The following PTK7 variants were observed in gnomAD, a reference collection of about 807,000 sequenced individuals.
PTK7 encodes the protein protein tyrosine kinase 7 (inactive), also known as inactive tyrosine-protein kinase 7.
In PTK7, 39 loss-of-function variants were observed where a neutral mutation model predicts 116.6. The ratio of observed to expected loss-of-function variants is 0.33; its 90% CI spans 0.26 to 0.44. The LOEUF (loss-of-function observed/expected upper bound fraction) is 0.44. PTK7 is among the 20% of genes least tolerant of loss of function. The pLI is 1.00. For missense variants in PTK7, 1,169 were observed against 1,425.6 expected (o/e 0.82, Z 2.90); for synonymous variants, 546 against 563.6 (o/e 0.97, Z 0.44).
Position 43,129,384 on chromosome 6 carries a change from AT to A in PTK7, c.367+123del, listed in dbSNP as rs1769517628. The A allele has an allele frequency of 1.6e-6, 2 of 1,268,338 alleles. No individual in the cohort carries two copies. Among genetic ancestry groups the A allele is most frequent in the African/African-American group, 1.5e-5 (1 of 66,028 alleles). 78.6% of individuals were successfully genotyped at this position (1,268,338 alleles called of 1,614,324 possible). A position where few individuals can be genotyped will look rare whatever the true frequency, so the allele number is the denominator to read the frequency against. On this transcript the variant is annotated intron_variant, in intron 2 of 19. Coordinates refer to ENST00000230419, the MANE Select transcript of PTK7 (RefSeq NM_002821.5). The surrounding 1 kb of genome is among the most constrained non-coding windows in gnomAD (Gnocchi z 4.5). ...CAGTTAAACGGGCCAGGCAGAATGC[AT>A]TTATCATCAGCTTTTTTTGCTCATG...
At chr6:43,084,304 A>T (rs955636701) in intron 1 of PTK7, among the ~76,000 whole-genome samples, 6 of 151,928 alleles carry the variant, frequency 3.9e-5, no homozygotes, top group South Asian at 2.1e-4. Flanking sequence ...CTAGTTTTTT[A>T]AATTTATTTT....
At chr6:43,127,414 C>T (rs1037509380) in intron 1 of PTK7, among the ~76,000 whole-genome samples, 4 of 152,270 alleles carry the variant, frequency 2.6e-5, no homozygotes, top group Admixed American at 2.6e-4. Context: ...GCTCTGCCCT[C>T]CGCCTCCCTA....
intron 7 of PTK7, chr6:43,133,136 GGAGGTAATAGTGGACAAAATTATA>G (rs1769811416): frequency 3.2e-6 from 1 of 310,908 alleles, no homozygotes; most frequent in East Asian, 5.3e-5. Flanking sequence ...TTCTTTTTTG[GGAGGTAATAGTGGACAAAATTATA>G]GGTGATTTTT....
At chr6:43,085,412 C>T (rs1766599043) in intron 1 of PTK7, among the ~76,000 whole-genome samples, 1 of 152,124 alleles carries the variant, frequency 6.6e-6, no homozygotes, top group Middle Eastern at 3.4e-3. Context: ...CCATGCCCGG[C>T]TAATTTTTGT....
chr6:43,092,145 G>T (rs1203669521), intron 1 of PTK7, among the ~76,000 whole-genome samples: 2 of 151,682 alleles, frequency 1.3e-5, no homozygotes, highest in African/African-American at 2.4e-5. Context: ...ACAGGCGTGA[G>T]CCTCTGTGCC....
intron 1 of PTK7, among the ~76,000 whole-genome samples, chr6:43,082,952 G>T (rs747750566): frequency 4.6e-5 from 7 of 152,226 alleles, no homozygotes; most frequent in Non-Finnish European, 8.8e-5. Context: ...GCTGGGCTTT[G>T]ACAGCTGTAG....
chr6:43,093,956 G>T (rs1267324501), intron 1 of PTK7, among the ~76,000 whole-genome samples: 1 of 152,174 alleles, frequency 6.6e-6, no homozygotes, highest in Non-Finnish European at 1.5e-5. Context: ...CATCTCATTG[G>T]TTAGAAAAAG....
intron 1 of PTK7, among the ~76,000 whole-genome samples, chr6:43,105,849 T>G (rs970971945): frequency 1.3e-5 from 2 of 152,212 alleles, no homozygotes; most frequent in Admixed American, 1.3e-4. Context: ...ACCAACACTT[T>G]GATTTTGCAC....
At chr6:43,153,071 C>T (rs1048613679) in intron 17 of PTK7, among the ~76,000 whole-genome samples, 1 of 151,810 alleles carries the variant, frequency 6.6e-6, no homozygotes, top group African/African-American at 2.4e-5. Context: ...CAAGTGTGAG[C>T]CACCACGCCC....
intron 17 of PTK7, among the ~76,000 whole-genome samples, chr6:43,155,910 C>T (rs917827383): frequency 6.6e-6 from 1 of 152,008 alleles, no homozygotes; most frequent in Non-Finnish European, 1.5e-5. Flanking sequence ...TAGCCCCAAA[C>T]TGGAAACAAC....
chr6:43,077,059 C>T (rs1766075198), intron 1 of PTK7: 1 of 1,297,808 alleles, frequency 7.7e-7, no homozygotes, highest in Non-Finnish European at 9.8e-7. Flanking sequence ...TTGTTACCTA[C>T]GCCGACCCGA....
rs554253356 is a variant in PTK7 at position 43,119,568 on chromosome 6, G to A, written c.80-9409G>A. On this transcript the variant is annotated intron_variant, in intron 1 of 19. Transcript: ENST00000230419. ...AACCCCTCCAGTGAATGGCTGTTGA[G>A]CCCACAGCAAATCTCTTCCCATCTT... is the stretch of plus-strand genomic sequence containing the variant. 2.6e-5 allele frequency among the ~76,000 whole-genome samples: 4 copies of A among 152,274 alleles called. No individual in the cohort carries two copies. In the East Asian group the frequency reaches 7.7e-4, roughly 29 times the overall value.
chr6:43,127,571 C>T (rs187269608), intron 1 of PTK7, among the ~76,000 whole-genome samples: 1 of 152,328 alleles, frequency 6.6e-6, no homozygotes, highest in East Asian at 1.9e-4. Context: ...ACTCTGGAAC[C>T]ACATGGCTCT....
chr6:43,127,958 G>C (rs1485136885), intron 1 of PTK7, among the ~76,000 whole-genome samples: 1 of 152,176 alleles, frequency 6.6e-6, no homozygotes, highest in Non-Finnish European at 1.5e-5. Context: ...ACATGGGAAT[G>C]ACCTTGGCTT....
Position 43,076,542 on chromosome 6 carries a change from C to T in PTK7, c.54C>T (p.Ser18=), listed in dbSNP as rs1158032177. The T allele has an allele frequency of 8.9e-6, 14 of 1,577,610 alleles. No individual in the cohort carries two copies. The highest frequency in any genetic ancestry group is 1.2e-5 in the Non-Finnish European group (14 of 1,167,194). Residue 18 remains serine (S), a synonymous_variant, in exon 1 of 20, where the codon AGC becomes AGT. Coordinates refer to ENST00000230419, the MANE Select transcript of PTK7 (RefSeq NM_002821.5). The surrounding 1 kb of genome is among the most constrained non-coding windows in gnomAD (Gnocchi z 5.7). Reference sequence around the variant, plus strand: ...GACCCCGCCGGTTGCCTCTGCTCAGCGTCCTGCTGCTGCCGCTGCTGGGCG... The same window carrying T: ...GACCCCGCCGGTTGCCTCTGCTCAGTGTCCTGCTGCTGCCGCTGCTGGGCG... ...PARPRRLPLL[S]VLLLPLLGGT...
Position 43,151,452 on chromosome 6 carries a change from TC to T in PTK7, c.2721+4756del, listed in dbSNP as rs545190753. 1.8e-3 allele frequency among the ~76,000 whole-genome samples: 279 copies of T among 151,676 alleles called. 3 individuals carry two copies. The highest frequency in any genetic ancestry group is 6.4e-3 in the African/African-American group (266 of 41,370). ...TGGTCTCAATCTCCTGTCCTCGTGA[TC>T]CGCCCGCCTCAGCCTCCCAAAGTGC... On this transcript the variant is annotated intron_variant, in intron 17 of 19. Coordinates refer to ENST00000230419, the MANE Select transcript of PTK7 (RefSeq NM_002821.5).
intron 1 of PTK7, among the ~76,000 whole-genome samples, chr6:43,107,462 C>T (rs879568219): frequency 5.3e-5 from 8 of 152,182 alleles, no homozygotes; most frequent in Non-Finnish European, 8.8e-5. Context: ...GATCATAGTA[C>T]CTACCCTACC....
At chr6:43,077,129 G>C in intron 1 of PTK7, 1 of 969,638 alleles carries the variant, frequency 1.0e-6, no homozygotes, top group Non-Finnish European at 1.4e-6. Flanking sequence ...ATGGCCCTGC[G>C]GGTGAGGGCG....
At chr6:43,101,241 G>T (rs1288073306) in intron 1 of PTK7, among the ~76,000 whole-genome samples, 1 of 137,352 alleles carries the variant, frequency 7.3e-6, no homozygotes, top group African/African-American at 2.7e-5. Context: ...AAGAAAGAAA[G>T]AAAGAGGCTG....
Sources: allele counts gnomAD v4.1 joint callset (sites outside exome capture counted in the v4.1 genomes callset), GRCh38; gene constraint gnomAD v4.1.1; non-coding constraint Gnocchi (gnomAD v3.1); transcripts MANE v1.5; gene names NCBI Gene and HGNC (gene_info 2026-07-23, HGNC 2026-07-21).